TCF7L2: variants seen among roughly 807,000 people sequenced by gnomAD.
The protein encoded by TCF7L2 is transcription factor 7 like 2, also known as transcription factor 7-like 2.
A neutral mutation model predicts 77.9 loss-of-function variants in TCF7L2; 23 were observed. The ratio of observed to expected loss-of-function variants is 0.30; its 90% CI spans 0.21 to 0.42. The LOEUF is 0.42. Ranked by LOEUF, TCF7L2 falls within the 10% of genes least tolerant of loss-of-function variation. The pLI is 1.00. For missense variants in TCF7L2, 654 were observed against 793.1 expected (o/e 0.82, Z 2.11); for synonymous variants, 413 against 340.2 (o/e 1.21, Z -2.36).
intron 3 of TCF7L2, among the ~76,000 whole-genome samples, chr10:112,958,680 C>CTAG (rs2034307410): frequency 1.3e-5 from 2 of 152,012 alleles, no homozygotes; most frequent in Admixed American, 1.3e-4. Context: ...TTATGATGTA[C>CTAG]TAAAATATAT....
intron 5 of TCF7L2, among the ~76,000 whole-genome samples, chr10:113,110,369 GTTTT>G (rs55993335): frequency 1.6e-5 from 2 of 126,434 alleles, no homozygotes; most frequent in Non-Finnish European, 3.3e-5. Context: ...GTCTACTGGG[GTTTT>G]TTTTTTTTTT....
intron 4 of TCF7L2, chr10:112,987,816 G>T: frequency 5.5e-6 from 1 of 183,022 alleles, no homozygotes; most frequent in Non-Finnish European, 1.2e-5. Context: ...ACCACAAAGA[G>T]ATGAGATGAA....
chr10:113,030,407 C>T (rs1391911706), intron 4 of TCF7L2, among the ~76,000 whole-genome samples: 1 of 152,160 alleles, frequency 6.6e-6, no homozygotes, highest in Non-Finnish European at 1.5e-5. Context: ...TGTCTTCCAG[C>T]TATTTTCCTG....
intron 4 of TCF7L2, among the ~76,000 whole-genome samples, chr10:112,991,001 C>T (rs888893159): frequency 3.9e-5 from 6 of 152,124 alleles, no homozygotes; most frequent in African/African-American, 7.2e-5. Flanking sequence ...GAACTCTTCC[C>T]GAGGTGAGTT....
intron 4 of TCF7L2, among the ~76,000 whole-genome samples, chr10:113,011,430 G>A (rs2046429358): frequency 6.6e-6 from 1 of 152,176 alleles, no homozygotes; most frequent in African/African-American, 2.4e-5. Context: ...CAAATTCTCT[G>A]GGGCTCTGGT....
intron 4 of TCF7L2, among the ~76,000 whole-genome samples, chr10:113,005,089 A>C (rs1264971063): frequency 6.6e-6 from 1 of 152,136 alleles, no homozygotes. Context: ...GACCGTCCAG[A>C]CCATAGACAC....
chr10:113,084,756 G>T (rs1392650300), intron 5 of TCF7L2, among the ~76,000 whole-genome samples: 5 of 151,996 alleles, frequency 3.3e-5, no homozygotes, highest in African/African-American at 4.8e-5. Context: ...ACATTAGCCG[G>T]GAGTGGTGTT....
intron 5 of TCF7L2, among the ~76,000 whole-genome samples, chr10:113,120,072 G>T (rs2064528509): frequency 6.6e-6 from 1 of 152,176 alleles, no homozygotes. Context: ...TGTTGCCGCG[G>T]GCTGAGAATT....
intron 3 of TCF7L2, among the ~76,000 whole-genome samples, chr10:112,954,126 G>T (rs1315796972): frequency 6.6e-6 from 1 of 152,224 alleles, no homozygotes; most frequent in Non-Finnish European, 1.5e-5. Flanking sequence ...AGGAATGGAG[G>T]AATGCATAGG....
intron 3 of TCF7L2, among the ~76,000 whole-genome samples, chr10:112,964,119 C>T (rs568229250): frequency 2.0e-5 from 3 of 152,304 alleles, no homozygotes; most frequent in Non-Finnish European, 2.9e-5. Flanking sequence ...GTACTTGTTG[C>T]AGTCTTGTGG....
chr10:113,024,114 A>G (rs750276087), intron 4 of TCF7L2, among the ~76,000 whole-genome samples: 1 of 151,930 alleles, frequency 6.6e-6, no homozygotes, highest in East Asian at 2.0e-4. Flanking sequence ...CCTGGCCAAC[A>G]TAGTAAAACC....
intron 5 of TCF7L2, among the ~76,000 whole-genome samples, chr10:113,138,425 T>A (rs1343364517): frequency 6.6e-6 from 1 of 152,124 alleles, no homozygotes; most frequent in Admixed American, 6.5e-5. Flanking sequence ...ACTTAATTTT[T>A]AAATCTCACA....
chr10:113,056,870 G>A (rs1227506443), intron 5 of TCF7L2, among the ~76,000 whole-genome samples: 1 of 152,128 alleles, frequency 6.6e-6, no homozygotes, highest in Non-Finnish European at 1.5e-5. Context: ...AGCTGAGGGC[G>A]GTTTCCTGGG....
At chr10:113,039,597 G>A (rs553368533) in intron 4 of TCF7L2, among the ~76,000 whole-genome samples, 1 of 152,282 alleles carries the variant, frequency 6.6e-6, no homozygotes, top group African/African-American at 2.4e-5. Context: ...AGGTTGAAAA[G>A]GAGCAGATTT....
Position 113,056,280 on chromosome 10 carries a change from C to T in TCF7L2, c.552+16154C>T, listed in dbSNP as rs149895909. Among the ~76,000 whole-genome samples the T allele has an allele frequency of 2.6e-3, 398 of 152,296 alleles. 3 individuals carry two copies. Among genetic ancestry groups the T allele is most frequent in the African/African-American group, 9.2e-3 (381 of 41,556 alleles). ...TCCAGACCTTTCTGACCACAAAGCT[C>T]GTTGCTGAATACCGCGCCTCATTGC... On this transcript the variant is annotated intron_variant, in intron 5 of 13. Coordinates refer to ENST00000627217, the MANE Select transcript of TCF7L2 (RefSeq NM_001146274.2).
chr10:113,159,161 G>A (rs1396793297), intron 12 of TCF7L2, among the ~76,000 whole-genome samples: 1 of 151,206 alleles, frequency 6.6e-6, no homozygotes, highest in Non-Finnish European at 1.5e-5. Context: ...TTTTATTTTA[G>A]TTTTTTCTTT....
chr10:113,047,359 T>C lies in TCF7L2; in HGVS notation c.552+7233T>C, dbSNP rs2053641892. On this transcript the variant is annotated intron_variant, in intron 5 of 13. Transcript: ENST00000627217. ...GGGGAATTTAACAACAAAAAAACTT[T>C]AGGCTTCTTTGGAGAGAGACATGCC... 2.0e-5 allele frequency among the ~76,000 whole-genome samples: 3 copies of C among 152,200 alleles called. No homozygotes were observed. In the South Asian group the frequency reaches 6.2e-4, roughly 32 times the overall value.
At chr10:113,147,929 G>A (rs181749814) in intron 8 of TCF7L2, among the ~76,000 whole-genome samples, 47 of 152,220 alleles carry the variant, frequency 3.1e-4, no homozygotes, top group African/African-American at 7.9e-4. Context: ...AGAGGCGGCC[G>A]ACTCCCCAGG....
rs905817021 is a variant in TCF7L2, at chr10:113,166,202, T to C, written c.*230T>C. ...GAAGAACCTCATGATTCTACCAAAA[T>C]TTTTATCAACAGCTGTTTAAAGTCT... On this transcript the variant is annotated 3_prime_UTR_variant, in exon 14 of 14. Transcript: ENST00000627217. The C allele has an allele frequency of 7.2e-5, 28 of 389,898 alleles. No homozygotes were observed. The highest frequency in any genetic ancestry group is 1.3e-5 in the Non-Finnish European group (3 of 224,038). The allele number at this position is 389,898 out of a possible 1,614,324, so 24.2% of individuals were successfully genotyped here.
Sources: gnomAD v4.1 joint callset for allele counts (sites outside exome capture counted in the v4.1 genomes callset) on GRCh38, gnomAD v4.1.1 for gene constraint, MANE v1.5 for transcripts, NCBI Gene and HGNC (gene_info 2026-07-23, HGNC 2026-07-21) for gene names.